The following SEC31A variants were observed in gnomAD, a reference collection of about 807,000 sequenced individuals.
SEC31A encodes SEC31 homolog A, COPII component.
A neutral mutation model predicts 151.0 loss-of-function variants in SEC31A; 70 were observed. The observed-to-expected ratio is 0.46, with a 90% confidence interval of 0.38 to 0.57. SEC31A has a LOEUF of 0.57. Ranked by LOEUF, SEC31A falls within the 20% of genes least tolerant of loss-of-function variation. The pLI, the probability that SEC31A is intolerant of heterozygous loss-of-function variation, is 0.00. For synonymous variants in SEC31A, 475 were observed against 505.9 expected (o/e 0.94, Z 0.82); for missense variants, 1,330 against 1,471.2 (o/e 0.90, Z 1.57).
In SEC31A at chr4:82,891,074, A is replaced by G. The variant is rs1484187365; in HGVS notation, c.-5+14T>C. 5.9e-6 allele frequency: 9 copies of G among 1,535,914 alleles called. No homozygotes were observed. The highest frequency in any genetic ancestry group is 3.9e-5 in the Admixed American group (2 of 50,988). On this transcript the variant is annotated intron_variant, in intron 1 of 26. Transcript: ENST00000395310. ...GGACCGGCGAAGAGGACAAAAAGCA[A>G]CGGGCGGACGCACCTGGCGAGGACC...
intron 8 of SEC31A, among the ~76,000 whole-genome samples, chr4:82,867,880 G>A (rs1428128116): frequency 6.6e-6 from 1 of 152,204 alleles, no homozygotes; most frequent in East Asian, 1.9e-4. Context: ...TGATCCGCCC[G>A]CCTTGGCCTC....
intron 1 of SEC31A, among the ~76,000 whole-genome samples, chr4:82,884,814 T>C (rs1236190680): frequency 1.3e-5 from 2 of 152,192 alleles, no homozygotes; most frequent in Non-Finnish European, 1.5e-5. Context: ...GAGCTCAATA[T>C]ATATTAACTA....
At chr4:82,839,308 G>A (rs765543750) in intron 22 of SEC31A, among the ~76,000 whole-genome samples, 1 of 152,126 alleles carries the variant, frequency 6.6e-6, no homozygotes, top group Non-Finnish European at 1.5e-5. Flanking sequence ...GCACCACCAC[G>A]CCTGGCTAAT....
rs890974467 is a variant in SEC31A at position 82,855,509 on chromosome 4, G to A, written c.1882-480C>T. 2.6e-5 allele frequency among the ~76,000 whole-genome samples: 4 copies of A among 152,252 alleles called. No individual in the cohort carries two copies. In the South Asian group the frequency reaches 6.2e-4, roughly 24 times the overall value. Reference sequence around the variant, plus strand: ...AAGATAACCGAGGAGAGACTGAGATGAGATGAGGCTAATGGGACTCAATAC... The same window carrying A: ...AAGATAACCGAGGAGAGACTGAGATAAGATGAGGCTAATGGGACTCAATAC... On this transcript the variant is annotated intron_variant, in intron 16 of 26. Transcript: ENST00000395310.
chr4:82,886,363 G>A (rs1180689444), intron 1 of SEC31A, among the ~76,000 whole-genome samples: 2 of 152,148 alleles, frequency 1.3e-5, no homozygotes, highest in Admixed American at 1.3e-4. Flanking sequence ...CTGAGCCCCA[G>A]TTTCTACATT....
intron 14 of SEC31A, among the ~76,000 whole-genome samples, chr4:82,858,194 C>A (rs1486596029): frequency 6.6e-6 from 1 of 151,894 alleles, no homozygotes; most frequent in Non-Finnish European, 1.5e-5. Context: ...GGGCGGATCA[C>A]AAGGTCAGGA....
intron 1 of SEC31A, among the ~76,000 whole-genome samples, chr4:82,882,731 G>C (rs1248791511): frequency 6.6e-5 from 10 of 152,262 alleles, no homozygotes; most frequent in Admixed American, 4.6e-4. Flanking sequence ...TAAGCCCACA[G>C]ATTTTAAAGA....
rs200724443 is a variant in SEC31A at position 82,847,816 on chromosome 4, T to TA, written c.2502+987dup. Among the ~76,000 whole-genome samples, 1,394 of 152,214 alleles carry TA rather than the reference T, an allele frequency of 9.2e-3. 25 individuals carry two copies. Among genetic ancestry groups the TA allele is most frequent in the African/African-American group, 0.032 (1,325 of 41,534 alleles). ...ATGCCAGGCACTCATGGCAGGGTCT[T>TA]AAAAAAATATTTGTCAAATGAATGA... On this transcript the variant is annotated intron_variant, in intron 20 of 26. Coordinates refer to ENST00000395310, the MANE Select transcript of SEC31A (RefSeq NM_001077207.4).
chr4:82,877,534 A>G (rs773516993), intron 4 of SEC31A: 1 of 151,932 alleles, frequency 6.6e-6, no homozygotes, highest in Non-Finnish European at 1.5e-5. Flanking sequence ...GTGTGCCACC[A>G]TGTTCTGCTA....
intron 22 of SEC31A, among the ~76,000 whole-genome samples, chr4:82,840,744 C>T (rs1188271871): frequency 2.0e-5 from 3 of 152,100 alleles, no homozygotes; most frequent in South Asian, 2.1e-4. Context: ...GTACTGAACA[C>T]AATACTGTAG....
intron 12 of SEC31A, 194 bp downstream of exon 12, chr4:82,863,124 T>C (rs961903530): frequency 5.9e-6 from 3 of 505,298 alleles, no homozygotes; most frequent in East Asian, 7.3e-5. Context: ...TTTATCAATA[T>C]GTATTCAAAA....
intron 24 of SEC31A, among the ~76,000 whole-genome samples, chr4:82,826,667 T>G (rs1367416375): frequency 6.6e-6 from 1 of 152,226 alleles, no homozygotes; most frequent in Non-Finnish European, 1.5e-5. Context: ...GCATATTATC[T>G]CTTAACAGTA....
upstream of SEC31A, chr4:82,891,315 C>G: frequency 1.1e-6 from 1 of 870,108 alleles, no homozygotes; most frequent in Non-Finnish European, 1.7e-6. Context: ...CGGCGGTAGC[C>G]TGGGAGGCGG....
At chr4:82,899,013 T>C (rs950942500) in intron 3 of SEC31A, among the ~76,000 whole-genome samples, 4 of 152,300 alleles carry the variant, frequency 2.6e-5, no homozygotes, top group Admixed American at 2.0e-4. Context: ...ATCCATAAAA[T>C]GGAGTACGAT....
Position 82,848,313 on chromosome 4 carries a change from C to CAAA in SEC31A, c.2502+488_2502+490dup, listed in dbSNP as rs10655108. 4.9e-4 allele frequency among the ~76,000 whole-genome samples: 70 copies of CAAA among 142,378 alleles called. 1 individual carries two copies. Among genetic ancestry groups the CAAA allele is most frequent in the South Asian group, 4.7e-3 (21 of 4,498 alleles). The allele number at this position is 142,378 out of a possible 152,430, so 93.4% of individuals were successfully genotyped here. On this transcript the variant is annotated intron_variant, in intron 20 of 26. Transcript: ENST00000395310. Reference sequence around the variant, plus strand: ...ATTTTTCTCTAATATCTAAATTGTCCAAAAAAAAAAAAAAGTCTGTATTCT... The same window carrying CAAA: ...ATTTTTCTCTAATATCTAAATTGTCCAAAAAAAAAAAAAAAAAGTCTGTATTCT...
At chr4:82,891,207 G>A (rs1219023683), upstream of SEC31A, 5 of 1,517,032 alleles carry the variant, frequency 3.3e-6, no homozygotes, top group Non-Finnish European at 4.4e-6. Context: ...TTCCAACGTG[G>A]CAGCCGCAGC....
At chr4:82,869,073 A>G (rs781379256) in intron 8 of SEC31A, among the ~76,000 whole-genome samples, 3 of 152,102 alleles carry the variant, frequency 2.0e-5, no homozygotes, top group Non-Finnish European at 2.9e-5. Flanking sequence ...TAAAACTTAG[A>G]TGATTTATCT....
At chr4:82,883,348 C>T (rs1005894747) in intron 1 of SEC31A, among the ~76,000 whole-genome samples, 1 of 152,098 alleles carries the variant, frequency 6.6e-6, no homozygotes, top group African/African-American at 2.4e-5. Context: ...TAAAAAGGGA[C>T]AGCTATAAAT....
intron 1 of SEC31A, among the ~76,000 whole-genome samples, chr4:82,883,055 G>T (rs1188857994): frequency 6.6e-6 from 1 of 152,186 alleles, no homozygotes; most frequent in African/African-American, 2.4e-5. Flanking sequence ...AGGTGGTGAA[G>T]GTTACATTGA....
Sources: allele counts gnomAD v4.1 joint callset (sites outside exome capture counted in the v4.1 genomes callset), GRCh38; gene constraint gnomAD v4.1.1; transcripts MANE v1.5; gene names NCBI Gene and HGNC (gene_info 2026-07-23, HGNC 2026-07-21).